Variants in IL1RAPL1 observed in about 807,000 individuals in gnomAD.
IL1RAPL1 encodes interleukin-1 receptor accessory protein-like 1.
A neutral mutation model predicts 48.4 loss-of-function variants in IL1RAPL1; 3 were observed. The ratio of observed to expected loss-of-function variants is 0.06; its 90% CI spans 0.03 to 0.16. The LOEUF (loss-of-function observed/expected upper bound fraction) is 0.16, where lower values mean the gene tolerates loss of function less well. Ranked by LOEUF, IL1RAPL1 falls within the 10% of genes least tolerant of loss-of-function variation. The probability of loss-of-function intolerance (pLI) is 1.00; values close to 1 mark genes in which losing one functional copy is unlikely to be tolerated. For missense variants in IL1RAPL1, 349 were observed against 530.6 expected, an observed-to-expected ratio of 0.66 and a Z score of 3.36; for synonymous variants, 185 against 187.7, an observed-to-expected ratio of 0.99 and a Z score of 0.12.
intron 2 of IL1RAPL1, among the ~76,000 whole-genome samples, chrX:29,043,671 A>G (rs1031013528): frequency 3.6e-5 from 4 of 111,677 alleles, no homozygotes; most frequent in African/African-American, 6.5e-5. Context: ...CAGAATGCCA[A>G]TGACCTTCAT....
chrX:29,042,466 G>A (rs1926868223), intron 2 of IL1RAPL1, among the ~76,000 whole-genome samples: 1 of 111,282 alleles, frequency 9.0e-6, no homozygotes, highest in African/African-American at 3.3e-5. Flanking sequence ...TGTAATTTGG[G>A]GAAGACTCTT....
At chrX:29,398,438 A>G (rs1273977404) in intron 4 of IL1RAPL1, among the ~76,000 whole-genome samples, 2 of 111,868 alleles carry the variant, frequency 1.8e-5, no homozygotes, top group African/African-American at 6.5e-5. Context: ...TTTGGCAAAA[A>G]CAGAAATCTC....
At chrX:29,567,116 A>C (rs912260393) in intron 5 of IL1RAPL1, among the ~76,000 whole-genome samples, 4 of 111,291 alleles carry the variant, frequency 3.6e-5, no homozygotes, top group Non-Finnish European at 7.6e-5. Context: ...AAAAGTATGC[A>C]TTGAATGCCC....
chrX:29,868,163 C>G (rs1193674376), intron 6 of IL1RAPL1, among the ~76,000 whole-genome samples: 1 of 112,056 alleles, frequency 8.9e-6, no homozygotes, highest in African/African-American at 3.2e-5. Flanking sequence ...CTTGAATGAG[C>G]TAGTCACTGT....
chrX:29,039,914 A>G (rs1926809679), intron 2 of IL1RAPL1, among the ~76,000 whole-genome samples: 1 of 110,793 alleles, frequency 9.0e-6, no homozygotes, highest in African/African-American at 3.3e-5. Context: ...CCTATATGCA[A>G]ACAACAACAA....
chrX:29,585,876 C>CTGTT (rs60691855), intron 5 of IL1RAPL1, among the ~76,000 whole-genome samples: 85 of 110,908 alleles, frequency 7.7e-4, no homozygotes, highest in African/African-American at 2.5e-3. Context: ...GTGTGTTTTT[C>CTGTT]TGTTTGTTTG....
At chrX:28,944,901 T>C (rs1317545193) in intron 2 of IL1RAPL1, among the ~76,000 whole-genome samples, 3 of 110,424 alleles carry the variant, frequency 2.7e-5, no homozygotes, top group Non-Finnish European at 5.7e-5. Context: ...AAGTCAGTGA[T>C]TGACATTTTC....
chrX:28,837,382 G>C (rs751040482), intron 2 of IL1RAPL1, among the ~76,000 whole-genome samples: 1 of 111,236 alleles, frequency 9.0e-6, no homozygotes, highest in Non-Finnish European at 1.9e-5. Flanking sequence ...GGGGCCTTCA[G>C]TGTAGCAAAA....
chrX:28,837,002 G>A (rs745921460), intron 2 of IL1RAPL1, among the ~76,000 whole-genome samples: 1 of 110,211 alleles, frequency 9.1e-6, no homozygotes, highest in Non-Finnish European at 1.9e-5. Context: ...AGAGGGAGCC[G>A]AGGATGGGAG....
At chrX:28,990,696 C>T (rs948047429) in intron 2 of IL1RAPL1, among the ~76,000 whole-genome samples, 2 of 111,619 alleles carry the variant, frequency 1.8e-5, no homozygotes, top group African/African-American at 6.5e-5. Flanking sequence ...AGTCAACCAA[C>T]TGCAAATATA....
intron 2 of IL1RAPL1, among the ~76,000 whole-genome samples, chrX:28,838,796 A>G (rs1445873864): frequency 1.8e-5 from 2 of 111,235 alleles, no homozygotes; most frequent in Non-Finnish European, 3.8e-5. Context: ...TAAGCATTAA[A>G]TTAACCCATA....
At chrX:29,444,271 C>T (rs753662670) in intron 5 of IL1RAPL1, among the ~76,000 whole-genome samples, 5 of 105,765 alleles carry the variant, frequency 4.7e-5, no homozygotes, top group Non-Finnish European at 7.7e-5. Context: ...TAACCCAGGA[C>T]GCAGAGGTTG....
chrX:28,600,040 A>G (rs1381611733), intron 1 of IL1RAPL1, among the ~76,000 whole-genome samples: 2 of 111,630 alleles, frequency 1.8e-5, no homozygotes, highest in Non-Finnish European at 3.8e-5. Flanking sequence ...GTAAATCCCG[A>G]TGAGGGACTC....
intron 2 of IL1RAPL1, among the ~76,000 whole-genome samples, chrX:28,999,713 G>A (rs754761126): frequency 6.3e-5 from 7 of 111,570 alleles, no homozygotes; most frequent in Non-Finnish European, 1.3e-4. Context: ...ACCTGGTAAG[G>A]TCCATTCTGA....
At chrX:29,503,389 A>C (rs1278658732) in intron 5 of IL1RAPL1, among the ~76,000 whole-genome samples, 1 of 109,743 alleles carries the variant, frequency 9.1e-6, no homozygotes, top group Admixed American at 9.7e-5. Context: ...TCCTTCTACT[A>C]ATTTTGTTTT....
intron 6 of IL1RAPL1, among the ~76,000 whole-genome samples, chrX:29,805,253 C>T (rs1930225699): frequency 8.9e-6 from 1 of 111,815 alleles, no homozygotes; most frequent in Non-Finnish European, 1.9e-5. Flanking sequence ...ACATGTACTT[C>T]TATTTCTGTA....
intron 2 of IL1RAPL1, among the ~76,000 whole-genome samples, chrX:28,921,763 A>T (rs1923621685): frequency 8.9e-6 from 1 of 112,027 alleles, no homozygotes; most frequent in Non-Finnish European, 1.9e-5. Flanking sequence ...CTTTTTGTTG[A>T]CCTTATAAAG....
At chrX:29,247,514 G>A (rs1390119105) in intron 2 of IL1RAPL1, among the ~76,000 whole-genome samples, 1 of 111,754 alleles carries the variant, frequency 8.9e-6, no homozygotes, top group Non-Finnish European at 1.9e-5. Context: ...GGCCAGGTGC[G>A]GTGGCTCATG....
At chrX:29,029,772 G>T (rs1926574678) in intron 2 of IL1RAPL1, among the ~76,000 whole-genome samples, 1 of 111,275 alleles carries the variant, frequency 9.0e-6, no homozygotes, top group African/African-American at 3.3e-5. Context: ...TTCTTTCTTT[G>T]ATAAATATTG....
Sources: gnomAD v4.1 joint callset for allele counts (sites outside exome capture counted in the v4.1 genomes callset) on GRCh38, gnomAD v4.1.1 for gene constraint, MANE v1.5 for transcripts, NCBI Gene and HGNC (gene_info 2026-07-23, HGNC 2026-07-21) for gene names.